Variants in SGCZ observed in about 807,000 individuals in gnomAD.
SGCZ encodes zeta-sarcoglycan.
In SGCZ, 40 loss-of-function variants were observed where a neutral mutation model predicts 41.3. The observed-to-expected ratio is 0.97, with a 90% CI of 0.75 to 1.26. The LOEUF (loss-of-function observed/expected upper bound fraction) is 1.26, where lower values mean the gene tolerates loss of function less well. Ranked by LOEUF, SGCZ falls within the 50% of genes most tolerant of loss-of-function variation. The pLI is 0.00. For synonymous variants in SGCZ, 206 were observed against 137.5 expected, an observed-to-expected ratio of 1.50 and a Z score of -3.49; for missense variants, 552 against 369.8, an observed-to-expected ratio of 1.49 and a Z score of -4.04.
chr8:14,138,983 C>A (rs1418492447), intron 5 of SGCZ, among the ~76,000 whole-genome samples: 2 of 152,146 alleles, frequency 1.3e-5, no homozygotes, highest in Non-Finnish European at 2.9e-5. Flanking sequence ...GAAATCATAA[C>A]AAACTGTCTC....
chr8:15,163,270 C>A (rs527384764), intron 1 of SGCZ, among the ~76,000 whole-genome samples: 1 of 152,206 alleles, frequency 6.6e-6, no homozygotes, highest in South Asian at 2.1e-4. Context: ...ATCCACACAA[C>A]GTCTTATGAG....
chr8:14,820,787 A>C (rs922833495), intron 1 of SGCZ, among the ~76,000 whole-genome samples: 1 of 151,948 alleles, frequency 6.6e-6, no homozygotes, highest in Admixed American at 6.6e-5. Flanking sequence ...TTTTCTTGAG[A>C]CAAACAAAAA....
intron 1 of SGCZ, among the ~76,000 whole-genome samples, chr8:14,795,610 G>A (rs1179093594): frequency 1.3e-5 from 2 of 151,872 alleles, no homozygotes; most frequent in African/African-American, 4.8e-5. Context: ...TTTTTTGCGT[G>A]CAAATTAAGC....
chr8:14,963,088 A>T (rs1187136186), intron 1 of SGCZ, among the ~76,000 whole-genome samples: 2 of 152,148 alleles, frequency 1.3e-5, no homozygotes, highest in Non-Finnish European at 2.9e-5. Context: ...TTTCCATTGT[A>T]TTTCTTTACT....
At chr8:14,566,563 A>T (rs934634236) in intron 1 of SGCZ, among the ~76,000 whole-genome samples, 10 of 152,224 alleles carry the variant, frequency 6.6e-5, no homozygotes, top group African/African-American at 2.4e-5. Context: ...CATGAGTACA[A>T]TTTGCCTTTC....
chr8:14,536,326 A>G (rs140213885), intron 2 of SGCZ, among the ~76,000 whole-genome samples: 1,815 of 151,990 alleles, frequency 0.012, 35 homozygotes, highest in African/African-American at 0.041. Flanking sequence ...AAATTGCTAC[A>G]AAGTCAGAAA....
rs541387929 is a variant in SGCZ at position 14,655,248 on chromosome 8, CA to C, written c.40-100323del. 3.3e-3 allele frequency among the ~76,000 whole-genome samples: 506 copies of C among 152,058 alleles called. 6 individuals carry two copies. The highest frequency in any genetic ancestry group is 0.011 in the African/African-American group (472 of 41,446). On this transcript the variant is annotated intron_variant, in intron 1 of 7. Transcript: ENST00000382080. ...TTAGTTTTTCCACTGTCGTCTTTAC[CA>C]AATCTTGAATGCTAATCTGCTCTAA...
chr8:15,163,860 G>T (rs1265667103), intron 1 of SGCZ, among the ~76,000 whole-genome samples: 1 of 152,054 alleles, frequency 6.6e-6, no homozygotes, highest in African/African-American at 2.4e-5. Flanking sequence ...GTGTCTTTTG[G>T]GCTGCTATTG....
At chr8:14,854,378 T>A (rs1585320716) in intron 1 of SGCZ, among the ~76,000 whole-genome samples, 2 of 152,146 alleles carry the variant, frequency 1.3e-5, no homozygotes, top group South Asian at 2.1e-4. Flanking sequence ...ATATAATTTG[T>A]AGTTTATTTA....
chr8:15,081,234 G>A lies in SGCZ; in HGVS notation c.39+156351C>T, dbSNP rs1274874939. ...TTTCTGTGTCTTCCCTGAAAATGAA[G>A]CTTTTGTCCAATTTTTGTATTTCCG... On this transcript the variant is annotated intron_variant, in intron 1 of 7. Transcript: ENST00000382080. 2.0e-5 allele frequency among the ~76,000 whole-genome samples: 3 copies of A among 152,036 alleles called. No homozygotes were observed. In the East Asian group the frequency reaches 5.8e-4, roughly 29 times the overall value.
intron 4 of SGCZ, among the ~76,000 whole-genome samples, chr8:14,222,453 C>G (rs1347189172): frequency 6.6e-6 from 1 of 152,046 alleles, no homozygotes; most frequent in East Asian, 1.9e-4. Context: ...CACACGTGAG[C>G]CACCGTGCCC....
At chr8:15,040,522 C>G (rs981048722) in intron 1 of SGCZ, among the ~76,000 whole-genome samples, 1 of 152,060 alleles carries the variant, frequency 6.6e-6, no homozygotes, top group African/African-American at 2.4e-5. Flanking sequence ...GAGGCTAAGG[C>G]AGGAGAATCG....
At chr8:15,000,558 A>T (rs1243101795) in intron 1 of SGCZ, among the ~76,000 whole-genome samples, 1 of 152,172 alleles carries the variant, frequency 6.6e-6, no homozygotes, top group Non-Finnish European at 1.5e-5. Flanking sequence ...TGCCCCAGGA[A>T]CCAGGGACTA....
intron 1 of SGCZ, among the ~76,000 whole-genome samples, chr8:14,638,421 A>T (rs1366969753): frequency 6.6e-6 from 1 of 151,874 alleles, no homozygotes; most frequent in Non-Finnish European, 1.5e-5. Context: ...TCCCAGTATA[A>T]ATAACATTTC....
chr8:14,324,356 C>T, intron 2 of SGCZ, 152 bp from the exon 3 acceptor site: 2 of 655,750 alleles, frequency 3.0e-6, no homozygotes, highest in Non-Finnish European at 5.4e-6. Context: ...TTAATGTTTG[C>T]AGCCCTTTGC....
chr8:14,730,733 G>C (rs778550350), intron 1 of SGCZ, among the ~76,000 whole-genome samples: 1 of 151,682 alleles, frequency 6.6e-6, no homozygotes, highest in Admixed American at 6.6e-5. Flanking sequence ...CCATTCCCTA[G>C]GACTTGTGCC....
chr8:14,600,510 T>G (rs1375374450), intron 1 of SGCZ, among the ~76,000 whole-genome samples: 3 of 152,170 alleles, frequency 2.0e-5, no homozygotes, highest in Non-Finnish European at 2.9e-5. Context: ...GCTCTCTCAG[T>G]GCGGGAGAGT....
chr8:14,111,946 T>C (rs1022967709), intron 5 of SGCZ, among the ~76,000 whole-genome samples: 1 of 152,222 alleles, frequency 6.6e-6, no homozygotes, highest in Non-Finnish European at 1.5e-5. Flanking sequence ...TAAGCACCTC[T>C]TCTGATGTGG....
At chr8:14,100,056 A>ATGATAAATCTGTGGTACAGTCAATGTAGC (rs2116975312) in intron 7 of SGCZ, among the ~76,000 whole-genome samples, 1 of 152,142 alleles carries the variant, frequency 6.6e-6, no homozygotes, top group East Asian at 1.9e-4. Flanking sequence ...TGTTTAGTAA[A>ATGATAAATCTGTGGTACAGTCAATGTAGC]TGATAAATCT....
Sources: gnomAD v4.1 joint callset for allele counts (sites outside exome capture counted in the v4.1 genomes callset) on GRCh38, gnomAD v4.1.1 for gene constraint, MANE v1.5 for transcripts, NCBI Gene and HGNC (gene_info 2026-07-23, HGNC 2026-07-21) for gene names.